The following HEATR4 variants were observed in gnomAD, a reference collection of about 807,000 sequenced individuals.
HEATR4 encodes the protein HEAT repeat containing 4, also known as HEAT repeat-containing protein 4.
HEATR4 carries 95 observed loss-of-function variants against 108.8 expected under a neutral mutation model. That is an observed-to-expected ratio of 0.87 (90% CI 0.74 to 1.04). The LOEUF (loss-of-function observed/expected upper bound fraction) is 1.04. Ranked by LOEUF, HEATR4 falls within the 50% of genes least tolerant of loss-of-function variation. The probability of loss-of-function intolerance (pLI) is 0.00; values close to 1 mark genes in which losing one functional copy is unlikely to be tolerated. For missense variants in HEATR4, 1,152 were observed against 1,253.8 expected (o/e 0.92, Z 1.23); for synonymous variants, 443 against 459.4 (o/e 0.96, Z 0.46).
chr14:73,570,486 G>GTGAA, the HEATR4 span, among the ~76,000 whole-genome samples: 2 of 151,858 alleles, frequency 1.3e-5, no homozygotes, highest in African/African-American at 4.8e-5. Context: ...GGAGAATGGT[G>GTGAA]TGAACCCGGG....
At chr14:73,506,798 TTAAC>T (rs1354710071) in intron 9 of HEATR4, among the ~76,000 whole-genome samples, 1 of 136,478 alleles carries the variant, frequency 7.3e-6, no homozygotes, top group Non-Finnish European at 1.5e-5. Flanking sequence ...TTTCCTGACT[TTAAC>T]TGTTTTTTTT....
chr14:73,619,370 A>G, the HEATR4 span: 2,241 of 1,614,160 alleles, frequency 1.4e-3, 2 homozygotes, highest in Non-Finnish European at 1.6e-3. Flanking sequence ...GCTCCTCTAC[A>G]TTACAAGGAT....
chr14:73,503,002 AT>A lies in HEATR4; in HGVS notation c.1997del (p.His666LeufsTer3). ...ISGNVCLDMK[H>X]KLIQLMWNDW... ...CATTCCACATCAGCTGGATCAACTT[AT>A]GTTTCATATCCTATAAATAGGTATG... On this transcript the variant is annotated frameshift_variant, in exon 11 of 18. Coordinates refer to ENST00000553558, the MANE Select transcript of HEATR4 (RefSeq NM_001220484.1). LOFTEE classifies it high-confidence loss of function. 6.2e-7 allele frequency: 1 copy of A among 1,612,216 alleles called. No individual in the cohort carries two copies. Among genetic ancestry groups the A allele is most frequent in the East Asian group, 2.2e-5 (1 of 44,876 alleles).
At chr14:73,582,604 A>G in the HEATR4 span, 3 of 152,048 alleles carry the variant, frequency 2.0e-5, no homozygotes, top group East Asian at 5.8e-4. Flanking sequence ...TTTGCTCATT[A>G]TAATAGTAGA....
the HEATR4 span, chr14:73,594,982 G>A: frequency 6.3e-7 from 1 of 1,575,408 alleles, no homozygotes; most frequent in Non-Finnish European, 8.6e-7. Flanking sequence ...TGGGATTACA[G>A]GCATGAGCCA....
At chr14:73,608,705 C>T in the HEATR4 span, among the ~76,000 whole-genome samples, 3 of 152,136 alleles carry the variant, frequency 2.0e-5, no homozygotes, top group African/African-American at 7.2e-5. Flanking sequence ...TACAGCAGTG[C>T]CCCACTCTCT....
At chr14:73,513,570 AC>A (rs1422920935) in intron 6 of HEATR4, among the ~76,000 whole-genome samples, 4 of 151,894 alleles carry the variant, frequency 2.6e-5, no homozygotes, top group South Asian at 2.1e-4. Context: ...TACCAAAGAT[AC>A]AAAAAGTTAA....
the HEATR4 span, among the ~76,000 whole-genome samples, chr14:73,614,546 C>T: frequency 6.6e-6 from 1 of 151,252 alleles, no homozygotes; most frequent in Admixed American, 6.6e-5. Context: ...TCAAGACTAG[C>T]CTGGCCAACA....
At chr14:73,577,021 C>T in the HEATR4 span, among the ~76,000 whole-genome samples, 6 of 148,850 alleles carry the variant, frequency 4.0e-5, no homozygotes, top group Non-Finnish European at 1.5e-5. Flanking sequence ...GCCTCAACCT[C>T]GTAGGTTTAA....
chr14:73,499,410 G>A (rs1248899348), intron 12 of HEATR4, among the ~76,000 whole-genome samples: 1 of 152,144 alleles, frequency 6.6e-6, no homozygotes, highest in Non-Finnish European at 1.5e-5. Context: ...GACCTGGGAG[G>A]CGGAGGTTGT....
At chr14:73,528,628 T>C (rs1281693382) in intron 2 of HEATR4, among the ~76,000 whole-genome samples, 1 of 152,172 alleles carries the variant, frequency 6.6e-6, no homozygotes, top group Non-Finnish European at 1.5e-5. Context: ...GGGCAAATAA[T>C]TTAAAATCTG....
intron 14 of HEATR4, among the ~76,000 whole-genome samples, chr14:73,497,250 G>C (rs1310721585): frequency 6.6e-6 from 1 of 152,166 alleles, no homozygotes; most frequent in African/African-American, 2.4e-5. Context: ...ATGTTGGCCA[G>C]GCTGGTCTAG....
chr14:73,518,502 G>T (rs181291681), intron 5 of HEATR4, among the ~76,000 whole-genome samples: 146 of 152,224 alleles, frequency 9.6e-4, no homozygotes, highest in African/African-American at 3.4e-3. Context: ...AAGAGTCATG[G>T]GAAATAGAGT....
the HEATR4 span, among the ~76,000 whole-genome samples, chr14:73,589,566 A>G: frequency 0.012 from 1,766 of 152,254 alleles, 25 homozygotes; most frequent in Middle Eastern, 0.061. Flanking sequence ...CGATCCGCCC[A>G]ACTCGGCCTC....
rs575047836 is a variant in HEATR4, at chr14:73,512,371, A to G, written c.1415-222T>C. Among the ~76,000 whole-genome samples, 3 of 152,306 alleles carry G rather than the reference A, an allele frequency of 2.0e-5. No homozygotes were observed. The East Asian group carries it at 5.8e-4, about 29-fold the overall frequency. On this transcript the variant is annotated intron_variant, in intron 6 of 17. Transcript: ENST00000553558. Reference sequence around the variant, plus strand: ...CCCAGACAAAACTTCTCCCAACCCCATCGTATCTATCTCTCTTTCTTTAAA... The same window carrying G: ...CCCAGACAAAACTTCTCCCAACCCCGTCGTATCTATCTCTCTTTCTTTAAA...
At chr14:73,490,965 G>A in intron 17 of HEATR4, 6 of 1,304,482 alleles carry the variant, frequency 4.6e-6, no homozygotes, top group Admixed American at 3.9e-5. Flanking sequence ...TTCAGGAACC[G>A]CTTTAGCTTC....
rs1427060211 is a variant in HEATR4, at chr14:73,523,116, G to C, written c.37C>G (p.His13Asp). 5 of 1,606,598 alleles carry C rather than the reference G, an allele frequency of 3.1e-6. No individual in the cohort carries two copies. The highest frequency in any genetic ancestry group is 4.2e-6 in the Non-Finnish European group (5 of 1,179,774). ...GGGGGCAGTGACTGATAGAAGCAATGGGGGAGAAAGGTCTTTCCCTTCTGG... is the reference window on the plus strand; with the variant it reads ...GGGGGCAGTGACTGATAGAAGCAATCGGGGAGAAAGGTCTTTCCCTTCTGG... ...RTQKGKTFLP[H>D]CFYQSLPPRL... The change falls in exon 3 of 18, where the codon CAT becomes GAT. Residue 13 changes from histidine (H) to aspartate (D), a missense_variant. Transcript: ENST00000553558.
chr14:73,545,333 T>C (rs944588122), intron 1 of HEATR4, among the ~76,000 whole-genome samples: 1 of 109,286 alleles, frequency 9.2e-6, no homozygotes, highest in African/African-American at 3.0e-5. Context: ...GTGCTGAAAT[T>C]ACAGGTGTGA....
chr14:73,542,316 T>C lies in HEATR4; in HGVS notation c.-151-12072A>G, dbSNP rs1889114367. ...CCTGGCCTCTTATAGACAGTTTCTA[T>C]TCAATTCTATATTACTATATTTCCT... On this transcript the variant is annotated intron_variant, in intron 1 of 17. Transcript: ENST00000553558. 2.7e-5 allele frequency among the ~76,000 whole-genome samples: 3 copies of C among 110,904 alleles called. 1 individual carries two copies. Among genetic ancestry groups the C allele is most frequent in the Non-Finnish European group, 5.8e-5 (3 of 51,996 alleles). The allele number at this position is 110,904 out of a possible 152,430, so 72.8% of individuals were successfully genotyped here.
Sources: gnomAD v4.1 joint callset for allele counts (sites outside exome capture counted in the v4.1 genomes callset) on GRCh38, gnomAD v4.1.1 for gene constraint, MANE v1.5 for transcripts, NCBI Gene and HGNC (gene_info 2026-07-23, HGNC 2026-07-21) for gene names.